Variants in FBN1 observed in about 807,000 individuals in gnomAD.
FBN1 encodes the protein fibrillin-1.
In FBN1, 29 loss-of-function variants were observed where a neutral mutation model predicts 365.1. The ratio of observed to expected loss-of-function variants is 0.08; its 90% CI spans 0.06 to 0.11. FBN1 has a LOEUF of 0.11. FBN1 is among the 10% of genes least tolerant of loss of function. The probability of loss-of-function intolerance (pLI) is 1.00; values close to 1 mark genes in which losing one functional copy is unlikely to be tolerated. For missense variants in FBN1, 2,476 were observed against 3,703.2 expected (o/e 0.67, Z 8.60); for synonymous variants, 1,210 against 1,270.5 (o/e 0.95, Z 1.01).
intron 36 of FBN1, among the ~76,000 whole-genome samples, chr15:48,469,629 C>G (rs1323835468): frequency 1.3e-5 from 2 of 152,068 alleles, no homozygotes; most frequent in Admixed American, 6.6e-5. Flanking sequence ...ATCTGGCAAC[C>G]CTCCTGCGGG....
chr15:48,542,819 G>GTT (rs2044067849), intron 6 of FBN1, among the ~76,000 whole-genome samples: 1 of 139,514 alleles, frequency 7.2e-6, no homozygotes, highest in African/African-American at 2.5e-5. Context: ...GTGTGTGTGT[G>GTT]TGTGTGTGTG....
intron 41 of FBN1, 149 bp downstream of exon 41, chr15:48,463,749 TA>T: frequency 1.1e-6 from 1 of 907,768 alleles, no homozygotes; most frequent in Non-Finnish European, 1.7e-6. Context: ...AGTTATGATT[TA>T]TAGGGGAAGA....
At position 48,627,170 on chromosome 15, in the gene FBN1, A is replaced by G. The variant is rs560386497; in HGVS notation, c.165-14078T>C. Reference sequence around the variant, plus strand: ...CTTTTTTGTATAAACTAATTTGTACATCATTTTTTGTGCTCTGATTTTTTT... The same window carrying G: ...CTTTTTTGTATAAACTAATTTGTACGTCATTTTTTGTGCTCTGATTTTTTT... On this transcript the variant is annotated intron_variant, in intron 2 of 65. Transcript: ENST00000316623. Among the ~76,000 whole-genome samples, 171 of 152,366 alleles carry G rather than the reference A, an allele frequency of 1.1e-3. 1 individual carries two copies. Among genetic ancestry groups the G allele is most frequent in the Non-Finnish European group, 1.7e-3 (119 of 68,034 alleles).
At chr15:48,643,563 T>C (rs1257669418) in intron 2 of FBN1, 1 of 152,106 alleles carries the variant, frequency 6.6e-6, no homozygotes, top group South Asian at 2.1e-4. Flanking sequence ...GTAAGTGAAA[T>C]GAACAGCCAC....
chr15:48,497,540 CTT>C (rs2043618661), intron 18 of FBN1, 149 bp from the exon 19 acceptor site: 4 of 732,030 alleles, frequency 5.5e-6, no homozygotes, highest in Non-Finnish European at 6.8e-6. Context: ...CACTCTGTCT[CTT>C]TTTCTCACTG....
At chr15:48,560,212 CA>C (rs1489230784) in intron 6 of FBN1, among the ~76,000 whole-genome samples, 1 of 152,160 alleles carries the variant, frequency 6.6e-6, no homozygotes, top group Non-Finnish European at 1.5e-5. Flanking sequence ...AAAGCGCACA[CA>C]CCTTAAATCA....
chr15:48,455,954 T>C lies in FBN1; in HGVS notation c.5422+683A>G, dbSNP rs367555186. 8.5e-5 allele frequency among the ~76,000 whole-genome samples: 13 copies of C among 152,300 alleles called. No individual in the cohort carries two copies. The East Asian group carries it at 1.2e-3, about 14-fold the overall frequency. ...AGAGGCCTGAAGTGTAAGTATTAAA[T>C]AGAAAATTATTCCAACTATCCTGGG... On this transcript the variant is annotated intron_variant, in intron 44 of 65. Transcript: ENST00000316623.
chr15:48,491,230 T>C (rs2043555358), intron 24 of FBN1, among the ~76,000 whole-genome samples: 3 of 152,236 alleles, frequency 2.0e-5, no homozygotes, highest in Admixed American at 1.3e-4. Flanking sequence ...GAATTCCCGG[T>C]TCCATTCCAT....
chr15:48,542,832 T>TGTGTA (rs1491435027), intron 6 of FBN1, among the ~76,000 whole-genome samples: 16 of 147,902 alleles, frequency 1.1e-4, no homozygotes, highest in African/African-American at 3.8e-4. Flanking sequence ...TGTGTGTGTA[T>TGTGTA]TTTTTTTCCT....
chr15:48,634,556 G>A (rs1039612432), intron 2 of FBN1, among the ~76,000 whole-genome samples: 5 of 151,932 alleles, frequency 3.3e-5, no homozygotes, highest in African/African-American at 1.2e-4. Flanking sequence ...CTTCCCTCAG[G>A]CTTTCTCCTT....
intron 25 of FBN1, among the ~76,000 whole-genome samples, chr15:48,488,873 A>G (rs1031566791): frequency 2.0e-5 from 3 of 152,192 alleles, no homozygotes; most frequent in African/African-American, 7.2e-5. Context: ...TCCTACAGCT[A>G]TCAATTGACT....
chr15:48,576,310 C>A (rs2044347161), intron 6 of FBN1, among the ~76,000 whole-genome samples: 1 of 152,174 alleles, frequency 6.6e-6, no homozygotes, highest in African/African-American at 2.4e-5. Context: ...TTAGGCTCTA[C>A]AAATCCTTAA....
At chr15:48,534,269 A>C in intron 7 of FBN1, 64 bp from the exon 8 acceptor site, 1 of 1,527,726 alleles carries the variant, frequency 6.5e-7, no homozygotes, top group East Asian at 2.3e-5. Flanking sequence ...TGCAGAATAA[A>C]ATGTGATAAT....
chr15:48,594,924 T>C (rs1340924687), intron 6 of FBN1, among the ~76,000 whole-genome samples: 1 of 152,210 alleles, frequency 6.6e-6, no homozygotes, highest in African/African-American at 2.4e-5. Context: ...TGATATTGCC[T>C]AGAAGAAATA....
chr15:48,613,874 G>C (rs1468418770), intron 2 of FBN1, among the ~76,000 whole-genome samples: 3 of 152,186 alleles, frequency 2.0e-5, no homozygotes, highest in Non-Finnish European at 2.9e-5. Flanking sequence ...GCTGCAGTGA[G>C]CTGACATCGC....
chr15:48,606,950 T>C (rs984008859), intron 4 of FBN1, among the ~76,000 whole-genome samples: 1 of 152,202 alleles, frequency 6.6e-6, no homozygotes, highest in Non-Finnish European at 1.5e-5. Context: ...AGCCCCATTT[T>C]CTGTCTGTCT....
intron 9 of FBN1, among the ~76,000 whole-genome samples, chr15:48,525,365 A>C (rs1488891745): frequency 6.6e-6 from 1 of 152,220 alleles, no homozygotes; most frequent in African/African-American, 2.4e-5. Flanking sequence ...TGCTGGGATT[A>C]GAGGTGTGAG....
At chr15:48,584,014 GC>G (rs2044417020) in intron 6 of FBN1, among the ~76,000 whole-genome samples, 1 of 152,090 alleles carries the variant, frequency 6.6e-6, no homozygotes, top group South Asian at 2.1e-4. Context: ...TCAAAATGAG[GC>G]CTTTAAGTTT....
intron 4 of FBN1, among the ~76,000 whole-genome samples, chr15:48,604,798 C>A (rs559062472): frequency 3.0e-4 from 46 of 152,318 alleles, no homozygotes; most frequent in African/African-American, 1.1e-3. Flanking sequence ...TTCCCTTCCT[C>A]TGAATGTCCC....
Sources: gnomAD v4.1 joint callset for allele counts (sites outside exome capture counted in the v4.1 genomes callset) on GRCh38, gnomAD v4.1.1 for gene constraint, MANE v1.5 for transcripts, NCBI Gene and HGNC (gene_info 2026-07-23, HGNC 2026-07-21) for gene names.